Variants in GRXCR2 observed in about 807,000 individuals in gnomAD.
GRXCR2 encodes glutaredoxin domain-containing cysteine-rich protein 2.
In GRXCR2, 23 loss-of-function variants were observed where a neutral mutation model predicts 24.8. The observed-to-expected ratio is 0.93, with a 90% confidence interval of 0.67 to 1.32. GRXCR2 has a LOEUF of 1.32. Among genes scored for constraint, GRXCR2 ranks in the 40% most tolerant of loss-of-function variants. GRXCR2 has a pLI of 0.00. For synonymous variants in GRXCR2, 130 were observed against 116.1 expected, an observed-to-expected ratio of 1.12 and a Z score of -0.77; for missense variants, 315 against 303.4, an observed-to-expected ratio of 1.04 and a Z score of -0.28.
intron 2 of GRXCR2, among the ~76,000 whole-genome samples, chr5:145,914,348 C>A (rs745357788): frequency 6.7e-6 from 1 of 149,614 alleles, no homozygotes; most frequent in Non-Finnish European, 1.5e-5. Context: ...GCAAATGATA[C>A]AAATCTTGAT....
downstream of GRXCR2, among the ~76,000 whole-genome samples, chr5:145,858,316 CAA>C (rs139918161): frequency 5.7e-4 from 69 of 121,286 alleles, no homozygotes; most frequent in East Asian, 8.4e-3. Context: ...CTGTCTCCCA[CAA>C]AAAAAAAAAA....
chr5:145,892,477 A>T (rs1364710432), intron 2 of GRXCR2, among the ~76,000 whole-genome samples: 1 of 152,234 alleles, frequency 6.6e-6, no homozygotes, highest in Non-Finnish European at 1.5e-5. Flanking sequence ...CGAGAACTAC[A>T]TGACGAATGC....
intron 2 of GRXCR2, among the ~76,000 whole-genome samples, chr5:145,906,348 TA>T (rs1206314484): frequency 0.017 from 2,440 of 144,530 alleles, 32 homozygotes; most frequent in Non-Finnish European, 0.026. Context: ...GGGAAAATGT[TA>T]AAAAAAAAAA....
At chr5:145,900,402 C>A (rs902020440) in intron 2 of GRXCR2, among the ~76,000 whole-genome samples, 1 of 152,070 alleles carries the variant, frequency 6.6e-6, no homozygotes, top group South Asian at 2.1e-4. Flanking sequence ...GAACTGTGAG[C>A]CAATTAAACC....
intron 2 of GRXCR2, among the ~76,000 whole-genome samples, chr5:145,893,060 T>C (rs949518815): frequency 6.6e-6 from 1 of 152,116 alleles, no homozygotes; most frequent in Non-Finnish European, 1.5e-5. Context: ...AGAAATAAAA[T>C]ACTTTACAGA....
At chr5:145,929,351 G>A (rs955962650) in intron 2 of GRXCR2, among the ~76,000 whole-genome samples, 5 of 151,548 alleles carry the variant, frequency 3.3e-5, no homozygotes, top group Admixed American at 2.6e-4. Context: ...TATAGAAGTG[G>A]TATTTTAGGA....
chr5:145,891,245 G>C (rs1756861038), intron 2 of GRXCR2, among the ~76,000 whole-genome samples: 1 of 152,142 alleles, frequency 6.6e-6, no homozygotes. Flanking sequence ...TTCCAACTGA[G>C]GTACCAGGTT....
Position 145,872,799 on chromosome 5 carries a change from G to C in GRXCR2, c.170C>G (p.Ser57Cys). 6.2e-7 allele frequency: 1 copy of C among 1,614,194 alleles called. No homozygotes were observed. ...EEYPHSFLQE[S>C]LETMDGVYGS... ...ATAAACACCATCCATTGTTTCAAGA[G>C]ACTCTTGCAGAAAACTGTGAGGGTA... The change falls in exon 1 of 3, where the codon TCT (serine) becomes TGT (cysteine). Residue 57 changes from serine (S) to cysteine (C), a missense_variant. Ser to Cys is a moderately radical substitution (Grantham distance 112, BLOSUM62 -1). Transcript: ENST00000377976.
intron 1 of GRXCR2, among the ~76,000 whole-genome samples, chr5:145,868,431 T>A (rs1756470783): frequency 6.6e-6 from 1 of 152,192 alleles, no homozygotes. Flanking sequence ...AATAATTATT[T>A]ATTAAGCCAC....
intron 2 of GRXCR2, among the ~76,000 whole-genome samples, chr5:145,889,010 C>T (rs1211233524): frequency 1.3e-5 from 2 of 151,774 alleles, no homozygotes; most frequent in Non-Finnish European, 2.9e-5. Context: ...CCTGTCTCTA[C>T]TAAAAATATA....
chr5:145,904,019 CT>C (rs1757059458), intron 2 of GRXCR2, among the ~76,000 whole-genome samples: 1 of 152,146 alleles, frequency 6.6e-6, no homozygotes. Context: ...GAGACATGCC[CT>C]GAAGTGGTTT....
At position 145,915,745 on chromosome 5, in the gene GRXCR2, A is replaced by C. The variant is rs543706455; in HGVS notation, c.-70+19956T>G. 1.3e-3 allele frequency among the ~76,000 whole-genome samples: 148 copies of C among 117,750 alleles called. 2 individuals are homozygous for C. The highest frequency in any genetic ancestry group is 4.4e-3 in the African/African-American group (137 of 31,210). 77.2% of individuals were successfully genotyped at this position (117,750 alleles called of 152,430 possible). ...CAACACTTCATCTCAAAAAAAAAAA[A>C]AGGAAGAAGAAGGTAGGCTCTAGGA... On this transcript the variant is annotated intron_variant, in intron 2 of 3. Coordinates refer to the GRXCR2 transcript ENST00000639411.
Position 145,905,805 on chromosome 5 carries a change from C to A in GRXCR2, c.-70+29896G>T, listed in dbSNP as rs555772120. On this transcript the variant is annotated intron_variant, in intron 2 of 3. Transcript: ENST00000639411. ...CACTAAATGAACAAAGGCTGGGAGG[C>A]ATATAGTAAGTGCTTAATAAGTGTT... Among the ~76,000 whole-genome samples the A allele has an allele frequency of 2.6e-5, 4 of 151,966 alleles. No homozygotes were observed. In the South Asian group the frequency reaches 8.4e-4, roughly 32 times the overall value.
intron 2 of GRXCR2, among the ~76,000 whole-genome samples, chr5:145,864,205 G>A (rs1016623368): frequency 6.6e-6 from 1 of 152,046 alleles, no homozygotes; most frequent in Non-Finnish European, 1.5e-5. Flanking sequence ...GGGAGTCTGG[G>A]GACATTCCAG....
chr5:145,865,848 T>G (rs917694094), intron 2 of GRXCR2, among the ~76,000 whole-genome samples: 1 of 152,014 alleles, frequency 6.6e-6, no homozygotes, highest in African/African-American at 2.4e-5. Context: ...TAAGAAAAGA[T>G]AGGGCCAGGC....
At chr5:145,917,015 A>C (rs1028591988) in intron 2 of GRXCR2, among the ~76,000 whole-genome samples, 2 of 152,066 alleles carry the variant, frequency 1.3e-5, no homozygotes, top group African/African-American at 2.4e-5. Flanking sequence ...CATGCATTTC[A>C]ACCCTAATAA....
chr5:145,923,796 C>A (rs10463377), intron 2 of GRXCR2, among the ~76,000 whole-genome samples: 14 of 152,028 alleles, frequency 9.2e-5, no homozygotes, highest in East Asian at 1.9e-4. Context: ...ACTAATTTAC[C>A]TAGGTATTCC....
rs2569005 is a variant in GRXCR2 at position 145,871,062 on chromosome 5, C to T, written c.336+1571G>A. ...CTCCAGCCTGGTTGACAGATGAGAC[C>T]CTGTCTCTAAAAAAGAAAAAAAAAA... On this transcript the variant is annotated intron_variant, in intron 1 of 2. Transcript: ENST00000377976. 6.5e-3 allele frequency among the ~76,000 whole-genome samples: 987 copies of T among 151,880 alleles called. 10 individuals carry two copies. The highest frequency in any genetic ancestry group is 0.023 in the African/African-American group (936 of 41,400).
At chr5:145,896,664 G>A (rs932179197) in intron 2 of GRXCR2, among the ~76,000 whole-genome samples, 5 of 152,124 alleles carry the variant, frequency 3.3e-5, no homozygotes, top group Admixed American at 6.5e-5. Flanking sequence ...GGAGAAATAG[G>A]AACACTTTTA....
Sources: allele counts gnomAD v4.1 joint callset (sites outside exome capture counted in the v4.1 genomes callset), GRCh38; gene constraint gnomAD v4.1.1; transcripts MANE v1.5; gene names NCBI Gene and HGNC (gene_info 2026-07-23, HGNC 2026-07-21).